Variants in TRPM3 observed in about 807,000 individuals in gnomAD.
The protein encoded by TRPM3 is transient receptor potential cation channel subfamily M member 3, also known as long transient receptor potential channel 3.
Under a neutral mutation model 181.2 loss-of-function variants are expected in TRPM3, and 77 were observed. The observed-to-expected ratio is 0.42, with a 90% CI of 0.35 to 0.51. The LOEUF (loss-of-function observed/expected upper bound fraction) is 0.51. TRPM3 is among the 20% of genes least tolerant of loss of function. The pLI, the probability that TRPM3 is intolerant of heterozygous loss-of-function variation, is 0.01. For missense variants in TRPM3, 1,759 were observed against 2,196.7 expected, an observed-to-expected ratio of 0.80 and a Z score of 3.98; for synonymous variants, 745 against 796.4, an observed-to-expected ratio of 0.94 and a Z score of 1.09.
chr9:71,134,682 G>A (rs763709494), intron 1 of TRPM3, among the ~76,000 whole-genome samples: 15 of 152,064 alleles, frequency 9.9e-5, no homozygotes, highest in Non-Finnish European at 1.9e-4. Flanking sequence ...CAATGTGGCA[G>A]TGATCTCTGC....
intron 1 of TRPM3, among the ~76,000 whole-genome samples, chr9:71,053,485 C>T (rs992216294): frequency 5.9e-5 from 9 of 152,082 alleles, no homozygotes. Context: ...TCCAGAAAAG[C>T]AGTGGCAGAG....
intron 9 of TRPM3, among the ~76,000 whole-genome samples, chr9:70,668,822 T>C (rs928550263): frequency 6.6e-6 from 1 of 152,174 alleles, no homozygotes; most frequent in Non-Finnish European, 1.5e-5. Flanking sequence ...TATTTCAGAA[T>C]TGTGCTGCTA....
chr9:71,360,125 C>T (rs939421767), intron 1 of TRPM3, among the ~76,000 whole-genome samples: 6 of 152,042 alleles, frequency 3.9e-5, no homozygotes, highest in Non-Finnish European at 7.4e-5. Context: ...TCATTATCAT[C>T]CTAATCTTTA....
At chr9:70,856,163 ATAGGATGGT>A (rs1212283953) in intron 3 of TRPM3, among the ~76,000 whole-genome samples, 1 of 152,208 alleles carries the variant, frequency 6.6e-6, no homozygotes, top group Non-Finnish European at 1.5e-5. Context: ...AGACGCAAAG[ATAGGATGGT>A]TTCTTGGATG....
intron 6 of TRPM3, among the ~76,000 whole-genome samples, chr9:70,789,017 C>T (rs573931990): frequency 9.9e-5 from 15 of 152,264 alleles, no homozygotes; most frequent in Non-Finnish European, 2.1e-4. Context: ...GGATTGGGGA[C>T]TCCTGGTTAG....
chr9:70,625,238 G>A lies in TRPM3; in HGVS notation c.1762C>T (p.Arg588Cys). The change falls in exon 14 of 26, where the codon CGC (arginine) becomes TGC (cysteine). Residue 588 changes from arginine to cysteine, a missense_variant. By Grantham distance (180) the Arg-to-Cys change is radical. Around this residue, in one of 8 missense-constraint regions of TRPM3, gnomAD observed 737 missense variants for 957.4 expected, o/e 0.77. Coordinates refer to ENST00000677713, the MANE Select transcript of TRPM3 (RefSeq NM_001366145.2). The surrounding 1 kb of genome is among the most constrained non-coding windows in gnomAD (Gnocchi z 4.8). ...MGGAYRCNYT[R>C]KRFRTLYHNL... ...TGGTAGAGGGTCCGGAAGCGCTTGCGCGTGTAGTTGCAGCGATAAGCCCCG... is the reference window on the plus strand; with the variant it reads ...TGGTAGAGGGTCCGGAAGCGCTTGCACGTGTAGTTGCAGCGATAAGCCCCG... The A allele has an allele frequency of 6.2e-7, 1 of 1,614,110 alleles. No individual in the cohort carries two copies. Among genetic ancestry groups the A allele is most frequent in the Non-Finnish European group, 8.5e-7 (1 of 1,180,022 alleles).
chr9:71,446,792 C>T (rs2094210113), exon 1 of TRPM3: 3 of 1,549,758 alleles, frequency 1.9e-6, no homozygotes, highest in Non-Finnish European at 2.6e-6. Flanking sequence ...GCGGTCGGAG[C>T]AGCCCCGCTC....
chr9:71,053,125 G>A (rs555403821), intron 1 of TRPM3, among the ~76,000 whole-genome samples: 16 of 145,688 alleles, frequency 1.1e-4, no homozygotes, highest in Non-Finnish European at 2.3e-4. Flanking sequence ...AAAGCAGCAG[G>A]GAGAGAAATT....
chr9:71,186,797 A>G (rs1276266168), intron 1 of TRPM3, among the ~76,000 whole-genome samples: 1 of 152,070 alleles, frequency 6.6e-6, no homozygotes, highest in Non-Finnish European at 1.5e-5. Flanking sequence ...TTTTTCTTAC[A>G]TATATTATTG....
intron 22 of TRPM3, among the ~76,000 whole-genome samples, chr9:70,571,738 T>C (rs1402476506): frequency 6.6e-6 from 1 of 152,180 alleles, no homozygotes; most frequent in African/African-American, 2.4e-5. Flanking sequence ...TGTAGGACAG[T>C]GCTTGATATG....
Position 70,742,036 on chromosome 9 carries a change from T to C in TRPM3, c.1272+19565A>G, listed in dbSNP as rs2074221531. On this transcript the variant is annotated intron_variant, in intron 8 of 25. Transcript: ENST00000677713. ...AAGCCTGCACCTGACTTTCCTTTTG[T>C]TTTTTAAAGTTTTTTAATTTTTTAA... Among the ~76,000 whole-genome samples, 2 of 152,098 alleles carry C rather than the reference T, an allele frequency of 1.3e-5. 1 individual carries two copies. Among genetic ancestry groups the C allele is most frequent in the African/African-American group, 4.8e-5 (2 of 41,436 alleles).
intron 1 of TRPM3, among the ~76,000 whole-genome samples, chr9:71,264,930 T>C (rs1248507304): frequency 6.6e-6 from 1 of 152,174 alleles, no homozygotes; most frequent in Non-Finnish European, 1.5e-5. Context: ...AAAAAATTCT[T>C]AGAACTGTAT....
At chr9:71,202,056 C>T (rs530199571) in intron 1 of TRPM3, among the ~76,000 whole-genome samples, 1 of 152,140 alleles carries the variant, frequency 6.6e-6, no homozygotes, top group Non-Finnish European at 1.5e-5. Context: ...CAGACAGGAC[C>T]CTCAGCTGCA....
intron 3 of TRPM3, among the ~76,000 whole-genome samples, chr9:70,849,930 A>C (rs2095156973): frequency 6.6e-6 from 1 of 152,214 alleles, no homozygotes; most frequent in Non-Finnish European, 1.5e-5. Flanking sequence ...AAATATATTT[A>C]GCTGAAACAT....
chr9:70,864,537 A>AAAAAAG (rs1554753002), intron 1 of TRPM3, 26 bp from the exon 2 acceptor site: 3 of 1,457,880 alleles, frequency 2.1e-6, no homozygotes, highest in South Asian at 1.5e-5. Flanking sequence ...AAAAAAAAAA[A>AAAAAAG]AAAAGAAAAA....
At chr9:70,574,104 A>AAT (rs1335606973) in intron 22 of TRPM3, among the ~76,000 whole-genome samples, 1 of 151,992 alleles carries the variant, frequency 6.6e-6, no homozygotes, top group Non-Finnish European at 1.5e-5. Flanking sequence ...ACACACACAC[A>AAT]CACACACTAC....
At chr9:70,621,037 A>T (rs541639251) in intron 15 of TRPM3, among the ~76,000 whole-genome samples, 1 of 145,752 alleles carries the variant, frequency 6.9e-6, no homozygotes, top group Non-Finnish European at 1.5e-5. Context: ...TATATATATA[A>T]TATATACATA....
At chr9:70,925,803 T>C (rs2096715700) in intron 1 of TRPM3, among the ~76,000 whole-genome samples, 1 of 151,916 alleles carries the variant, frequency 6.6e-6, no homozygotes, top group Non-Finnish European at 1.5e-5. Context: ...TCAATACAGG[T>C]TAGTAGTTCC....
chr9:70,635,060 T>TACAC (rs5898155), intron 12 of TRPM3, 151 bp downstream of exon 12: 91,279 of 544,598 alleles, frequency 0.17, 3,921 homozygotes, highest in East Asian at 0.32. Context: ...AAAAGACACA[T>TACAC]ACACACACAC....
Sources: gnomAD v4.1 joint callset for allele counts (sites outside exome capture counted in the v4.1 genomes callset) on GRCh38, gnomAD v4.1.1 for gene constraint, gnomAD v4.1.1 regional missense constraint, Gnocchi (gnomAD v3.1) non-coding constraint, MANE v1.5 for transcripts, NCBI Gene and HGNC (gene_info 2026-07-23, HGNC 2026-07-21) for gene names.